LARS2: variants seen among roughly 807,000 people sequenced by gnomAD.
LARS2 encodes the protein leucine--tRNA ligase, mitochondrial.
LARS2 carries 81 observed loss-of-function variants against 116.6 expected under a neutral mutation model. The ratio of observed to expected loss-of-function variants is 0.69; its 90% confidence interval spans 0.58 to 0.84. The LOEUF (loss-of-function observed/expected upper bound fraction) is 0.84. Ranked by LOEUF, LARS2 falls within the 40% of genes least tolerant of loss-of-function variation. The pLI, the probability that LARS2 is intolerant of heterozygous loss-of-function variation, is 0.00. For synonymous variants in LARS2, 396 were observed against 407.2 expected, an observed-to-expected ratio of 0.97 and a Z score of 0.33; for missense variants, 968 against 1,114.5, an observed-to-expected ratio of 0.87 and a Z score of 1.87.
chr3:45,535,493 C>T (rs1259506585), intron 20 of LARS2, among the ~76,000 whole-genome samples: 1 of 152,098 alleles, frequency 6.6e-6, no homozygotes, highest in Non-Finnish European at 1.5e-5. Flanking sequence ...TTGGATGGAT[C>T]TTAGGGGAAT....
At chr3:45,541,747 T>G in intron 20 of LARS2, 82 bp from the exon 21 acceptor site, 1 of 1,539,832 alleles carries the variant, frequency 6.5e-7, no homozygotes, top group Non-Finnish European at 8.8e-7. Context: ...CCAGGCTGTG[T>G]TGGGATGGAA....
At chr3:45,469,882 A>G (rs758901458) in intron 8 of LARS2, among the ~76,000 whole-genome samples, 1 of 152,222 alleles carries the variant, frequency 6.6e-6, no homozygotes, top group Non-Finnish European at 1.5e-5. Context: ...TATATAAATC[A>G]TAATTCAAAA....
chr3:45,402,949 T>C (rs970139129), intron 4 of LARS2, among the ~76,000 whole-genome samples: 2 of 150,828 alleles, frequency 1.3e-5, no homozygotes, highest in African/African-American at 4.9e-5. Context: ...CTACTAAAAA[T>C]ACAAAATTAG....
chr3:45,511,812 C>G (rs1343906200), intron 15 of LARS2, among the ~76,000 whole-genome samples: 1 of 118,482 alleles, frequency 8.4e-6, no homozygotes, highest in African/African-American at 3.2e-5. Flanking sequence ...GAGTCTCGCT[C>G]TGTCTCCCAG....
intron 19 of LARS2, among the ~76,000 whole-genome samples, chr3:45,522,010 G>GC (rs1342701220): frequency 6.6e-6 from 1 of 152,160 alleles, no homozygotes; most frequent in Admixed American, 6.5e-5. Flanking sequence ...GGAGGCTGAG[G>GC]CGGGAGGATC....
intron 6 of LARS2, among the ~76,000 whole-genome samples, chr3:45,430,271 CAT>C (rs1698676304): frequency 8.5e-6 from 1 of 117,476 alleles, no homozygotes; most frequent in Non-Finnish European, 1.7e-5. Flanking sequence ...CGCACCCGGC[CAT>C]TTTTTTTTTT....
At chr3:45,542,487 A>G (rs1261603137) in intron 21 of LARS2, among the ~76,000 whole-genome samples, 3 of 152,198 alleles carry the variant, frequency 2.0e-5, no homozygotes, top group African/African-American at 7.2e-5. Context: ...AGTTTATCCT[A>G]TATGTGATTT....
intron 8 of LARS2, among the ~76,000 whole-genome samples, chr3:45,468,327 A>G (rs943993642): frequency 2.0e-5 from 3 of 152,182 alleles, no homozygotes; most frequent in African/African-American, 7.2e-5. Flanking sequence ...TGATTAGACC[A>G]ATAAAAGCTT....
rs1160287597 is a variant in LARS2, at chr3:45,403,112, CAAA to C, written c.363+2756_363+2758del. ...AAGAGCGAAACTCCGTCTCCAAAGA[CAAA>C]AAAAAAAAAAAAAAAAGAAAGATGT... On this transcript the variant is annotated intron_variant, in intron 4 of 21. Coordinates refer to ENST00000645846, the MANE Select transcript of LARS2 (RefSeq NM_015340.4). 1.8e-4 allele frequency among the ~76,000 whole-genome samples: 15 copies of C among 85,396 alleles called. 1 individual carries two copies. The highest frequency in any genetic ancestry group is 4.2e-4 in the African/African-American group (8 of 19,158). 56.0% of individuals were successfully genotyped at this position (85,396 alleles called of 152,430 possible).
At chr3:45,527,694 G>T (rs953134066) in intron 20 of LARS2, among the ~76,000 whole-genome samples, 6 of 152,144 alleles carry the variant, frequency 3.9e-5, no homozygotes, top group Non-Finnish European at 7.4e-5. Context: ...AATTAGTAAA[G>T]AAATAGCAGT....
intron 17 of LARS2, 73 bp from the exon 18 acceptor site, chr3:45,517,830 T>C (rs1700392237): frequency 8.0e-7 from 1 of 1,251,562 alleles, no homozygotes; most frequent in Admixed American, 2.1e-5. Flanking sequence ...TGTTTTTCTC[T>C]GCTTAGTTAT....
chr3:45,516,716 T>G (rs906738207), intron 17 of LARS2, among the ~76,000 whole-genome samples: 1 of 151,884 alleles, frequency 6.6e-6, no homozygotes. Context: ...CCCTGCAAGG[T>G]TTTTTCTAGA....
chr3:45,486,857 T>C (rs542493496), intron 11 of LARS2, among the ~76,000 whole-genome samples: 1 of 152,316 alleles, frequency 6.6e-6, no homozygotes, highest in African/African-American at 2.4e-5. Flanking sequence ...GTTTGTTTGT[T>C]TGATATTTTG....
chr3:45,400,225 T>G lies in LARS2; in HGVS notation c.235-20T>G, dbSNP rs1698119961. 1 of 1,609,092 alleles carries G rather than the reference T, an allele frequency of 6.2e-7. No individual in the cohort carries two copies. The highest frequency in any genetic ancestry group is 1.1e-5 in the South Asian group (1 of 90,308). On this transcript the variant is annotated intron_variant, in intron 3 of 21. Transcript: ENST00000645846. ...TTCCCAGAAAATGCTTAATAAATAC[T>G]CATTGTCGTTCTTTCCTAGAAATCG...
At chr3:45,544,537 A>T (rs185597535) in intron 21 of LARS2, among the ~76,000 whole-genome samples, 13 of 152,134 alleles carry the variant, frequency 8.5e-5, no homozygotes, top group Non-Finnish European at 1.6e-4. Context: ...CTGCCCTAGA[A>T]CTTCCCAGGT....
At chr3:45,427,885 G>C (rs187208713) in intron 6 of LARS2, among the ~76,000 whole-genome samples, 1 of 149,212 alleles carries the variant, frequency 6.7e-6, no homozygotes, top group Admixed American at 6.7e-5. Context: ...ACAATGGCAC[G>C]ATCTTGGCTC....
At chr3:45,434,850 G>A (rs1215405609) in intron 6 of LARS2, among the ~76,000 whole-genome samples, 1 of 152,166 alleles carries the variant, frequency 6.6e-6, no homozygotes, top group Non-Finnish European at 1.5e-5. Flanking sequence ...CTGCTGGAAG[G>A]ATGGAAGTAC....
chr3:45,396,732 GTAT>G (rs1230990707), intron 3 of LARS2, among the ~76,000 whole-genome samples: 1 of 152,210 alleles, frequency 6.6e-6, no homozygotes, highest in African/African-American at 2.4e-5. Flanking sequence ...CAGCGGGTAG[GTAT>G]TATTATCCTC....
At chr3:45,436,742 C>T (rs905338323) in intron 6 of LARS2, among the ~76,000 whole-genome samples, 1 of 143,824 alleles carries the variant, frequency 7.0e-6, no homozygotes, top group South Asian at 2.2e-4. Context: ...TGCAGTGAGC[C>T]GAGATTGCGC....
Sources: gnomAD v4.1 joint callset for allele counts (sites outside exome capture counted in the v4.1 genomes callset) on GRCh38, gnomAD v4.1.1 for gene constraint, MANE v1.5 for transcripts, NCBI Gene and HGNC (gene_info 2026-07-23, HGNC 2026-07-21) for gene names.